The following PKD1L3 variants were observed in gnomAD, a reference collection of about 807,000 sequenced individuals.
PKD1L3 encodes the protein polycystin 1 like 3, transient receptor potential channel interacting.
A neutral mutation model predicts 184.1 loss-of-function variants in PKD1L3; 239 were observed. The ratio of observed to expected loss-of-function variants is 1.30; its 90% confidence interval spans 1.17 to 1.45. The LOEUF (loss-of-function observed/expected upper bound fraction) is 1.45, where lower values mean the gene tolerates loss of function less well. Among genes scored for constraint, PKD1L3 ranks in the 40% most tolerant of loss-of-function variants. PKD1L3 has a pLI of 0.00. For synonymous variants in PKD1L3, 996 were observed against 778.8 expected (o/e 1.28, Z -4.64); for missense variants, 2,660 against 2,067.2 (o/e 1.29, Z -5.56).
intron 12 of PKD1L3, among the ~76,000 whole-genome samples, chr16:71,973,081 C>T (rs1459053890): frequency 6.6e-6 from 1 of 152,182 alleles, no homozygotes; most frequent in Admixed American, 6.5e-5. Context: ...TTGTCAGATC[C>T]ACCCTGGACT....
Position 71,935,426 on chromosome 16 carries a change from C to G in PKD1L3, c.4545G>C (p.Leu1515=), listed in dbSNP as rs1567487989. Residue 1515 remains leucine (L), a synonymous_variant, in exon 26 of 30, where the codon CTG becomes CTC. Transcript: ENST00000620267. ...GAGAAATACTCTTCATGTCAAGCCCCAGGAGGATGAAGCTAATGAGGATTA... is the reference window on the plus strand; with the variant it reads ...GAGAAATACTCTTCATGTCAAGCCCGAGGAGGATGAAGCTAATGAGGATTA... The part of the protein sequence containing the change: ...TSIILISFIL[L]GLDMKSISLH... 1 of 1,552,014 alleles carries G rather than the reference C, an allele frequency of 6.4e-7. No homozygotes were observed. The highest frequency in any genetic ancestry group is 8.7e-7 in the Non-Finnish European group (1 of 1,147,048).
At chr16:71,952,837 C>G in intron 18 of PKD1L3, 57 bp downstream of exon 18, 1 of 1,496,822 alleles carries the variant, frequency 6.7e-7, no homozygotes, top group Non-Finnish European at 9.0e-7. Flanking sequence ...GACCCTATGT[C>G]AAAACAAACA....
rs140477110 is a variant in PKD1L3, at chr16:71,964,978, C to G, written c.2466-1627G>C. Among the ~76,000 whole-genome samples the G allele has an allele frequency of 4.2e-3, 641 of 152,004 alleles. 3 individuals are homozygous for G. The highest frequency in any genetic ancestry group is 0.015 in the African/African-American group (608 of 41,436). On this transcript the variant is annotated intron_variant, in intron 15 of 29. Coordinates refer to ENST00000620267, the MANE Select transcript of PKD1L3 (RefSeq NM_181536.2). The stretch of plus-strand genomic sequence containing the variant: ...TCTCCCGCCTCAGCCCCCCAAGTAG[C>G]TGGGAGTACAGGCATGAGCCATCAC...
chr16:71,934,188 A>T (rs12149307), intron 26 of PKD1L3, 63 bp from the exon 27 acceptor site: 47 of 1,472,574 alleles, frequency 3.2e-5, no homozygotes, highest in Non-Finnish European at 4.0e-5. Context: ...CAGTTTCCCC[A>T]GCGCCCCTGC....
chr16:71,998,480 C>G, intron 1 of PKD1L3, 86 bp from the exon 2 acceptor site: 10 of 1,464,140 alleles, frequency 6.8e-6, no homozygotes, highest in Non-Finnish European at 9.0e-6. Flanking sequence ...TGAGACAGTC[C>G]CACTCAGTCA....
At chr16:71,981,648 C>T (rs1349188066) in intron 7 of PKD1L3, among the ~76,000 whole-genome samples, 1 of 149,818 alleles carries the variant, frequency 6.7e-6, no homozygotes, top group Non-Finnish European at 1.5e-5. Context: ...TCAAGCGATT[C>T]TCCTGCCTCA....
At chr16:71,953,212 A>T (rs1481715800) in intron 17 of PKD1L3, 119 bp from the exon 18 acceptor site, 6 of 847,194 alleles carry the variant, frequency 7.1e-6, no homozygotes, top group Non-Finnish European at 8.7e-6. Context: ...TAGAGATAAA[A>T]TTATCCTGGC....
chr16:71,952,589 C>G (rs1052203986), intron 18 of PKD1L3, among the ~76,000 whole-genome samples: 16 of 18,024 alleles, frequency 8.9e-4, no homozygotes, highest in African/African-American at 2.0e-3. Context: ...AATCCCAGCA[C>G]TTTGGGAGGC....
At chr16:71,989,249 G>A (rs1215156196) in intron 4 of PKD1L3, among the ~76,000 whole-genome samples, 3 of 152,152 alleles carry the variant, frequency 2.0e-5, no homozygotes, top group Non-Finnish European at 4.4e-5. Flanking sequence ...CCGCCTCCTG[G>A]GTTCAAGTGA....
rs948867822 is a variant in PKD1L3, at chr16:71,951,647, A to G, written c.3107T>C (p.Leu1036Pro). 11 of 1,551,672 alleles carry G rather than the reference A, an allele frequency of 7.1e-6. No homozygotes were observed. The highest frequency in any genetic ancestry group is 4.1e-5 in the African/African-American group (3 of 73,056). The change falls in exon 19 of 30, where the codon CTG becomes CCG. Residue 1036 changes from leucine (L) to proline (P), a missense_variant. Physicochemically the swap from Leu to Pro is moderately conservative, Grantham distance 98. Coordinates refer to ENST00000620267, the MANE Select transcript of PKD1L3 (RefSeq NM_181536.2). ...PPWSSWDITK[L>P]VKLLSSLVSS... ...TACGAGGCTGGATAAAAGTTTCACC[A>G]GCTTAGTAATGTCCCAAGAACTCCA... is the stretch of plus-strand genomic sequence containing the variant.
At chr16:71,968,620 G>C (rs1037042894) in intron 13 of PKD1L3, among the ~76,000 whole-genome samples, 8 of 152,168 alleles carry the variant, frequency 5.3e-5, no homozygotes, top group African/African-American at 1.4e-4. Flanking sequence ...TTTTGAGACG[G>C]AGTCTTGCTA....
At chr16:71,950,998 C>G (rs535766256) in intron 19 of PKD1L3, among the ~76,000 whole-genome samples, 1 of 152,078 alleles carries the variant, frequency 6.6e-6, no homozygotes, top group Non-Finnish European at 1.5e-5. Flanking sequence ...ATGCCTTGGC[C>G]TCCCAAAATG....
intron 9 of PKD1L3, 125 bp from the exon 10 acceptor site, chr16:71,978,508 TATATATATATATACATAC>T (rs2040019465): frequency 6.4e-6 from 1 of 155,646 alleles, no homozygotes; most frequent in Non-Finnish European, 1.2e-5. Context: ...TATATATATA[TATATATATATATACATAC>T]ATACATACAT....
At chr16:71,999,099 G>A (rs911091173) in intron 1 of PKD1L3, among the ~76,000 whole-genome samples, 8 of 151,908 alleles carry the variant, frequency 5.3e-5, no homozygotes, top group African/African-American at 1.4e-4. Context: ...GTGAAACCCC[G>A]TCTCTACTAA....
chr16:71,943,984 G>C (rs530052440), intron 23 of PKD1L3, 46 bp downstream of exon 23: 2 of 1,505,256 alleles, frequency 1.3e-6, no homozygotes, highest in African/African-American at 2.8e-5. Flanking sequence ...TTTCCCTTCT[G>C]GAAAAGGTGC....
At chr16:71,982,690 G>A (rs991086016) in intron 6 of PKD1L3, among the ~76,000 whole-genome samples, 2 of 152,078 alleles carry the variant, frequency 1.3e-5, no homozygotes, top group Non-Finnish European at 2.9e-5. Flanking sequence ...TCGAACTTCT[G>A]GACTCAAGCA....
rs1167137455 is a variant in PKD1L3, at chr16:71,979,806, GT to G, written c.1377del (p.Lys459AsnfsTer9). ...SALALKELLN[K>X]HPGVNVQITG... is the part of the protein sequence containing the mutation. Reference sequence around the variant, plus strand: ...CTCACTTGGACATTAACTCCTGGATGTTTATTCAAGAGCTCCTTCAAAGCTA... The same window carrying G: ...CTCACTTGGACATTAACTCCTGGATGTTATTCAAGAGCTCCTTCAAAGCTA... On this transcript the variant is annotated frameshift_variant, in exon 9 of 30. Transcript: ENST00000620267. LOFTEE classifies it high-confidence loss of function. The G allele has an allele frequency of 1.3e-6, 2 of 1,508,848 alleles. No homozygotes were observed. Among genetic ancestry groups the G allele is most frequent in the Non-Finnish European group, 1.8e-6 (2 of 1,133,842 alleles). 93.5% of individuals were successfully genotyped at this position (1,508,848 alleles called of 1,614,324 possible). A position where few individuals can be genotyped will look rare whatever the true frequency, so the allele number is the denominator to read the frequency against.
chr16:71,933,023 C>G lies in PKD1L3; in HGVS notation c.4926+397G>C, dbSNP rs115107394. ...CAGGCTGGTCTCAAATTCTTGGCCT[C>G]AAGCAGTCCTCCCCTTCTTGGCCTC... On this transcript the variant is annotated intron_variant, in intron 28 of 29. Transcript: ENST00000620267. 5.8e-3 allele frequency among the ~76,000 whole-genome samples: 889 copies of G among 152,134 alleles called. 11 individuals carry two copies. The highest frequency in any genetic ancestry group is 0.019 in the African/African-American group (787 of 41,480).
chr16:71,988,534 C>T (rs1238729751), intron 4 of PKD1L3, among the ~76,000 whole-genome samples: 1 of 152,136 alleles, frequency 6.6e-6, no homozygotes, highest in Admixed American at 6.5e-5. Context: ...GTGACTTGGA[C>T]CATGTGGTGA....
Sources: allele counts gnomAD v4.1 joint callset (sites outside exome capture counted in the v4.1 genomes callset), GRCh38; gene constraint gnomAD v4.1.1; transcripts MANE v1.5; gene names NCBI Gene and HGNC (gene_info 2026-07-23, HGNC 2026-07-21).